Variants in SIPA1L2 observed in about 807,000 individuals in gnomAD.
SIPA1L2 encodes the protein signal induced proliferation associated 1 like 2.
A neutral mutation model predicts 163.9 loss-of-function variants in SIPA1L2; 56 were observed. The ratio of observed to expected loss-of-function variants is 0.34; its 90% CI spans 0.28 to 0.43. The LOEUF (loss-of-function observed/expected upper bound fraction) is 0.43. Ranked by LOEUF, SIPA1L2 falls within the 20% of genes least tolerant of loss-of-function variation. SIPA1L2 has a pLI of 1.00. For synonymous variants in SIPA1L2, 877 were observed against 865.7 expected, an observed-to-expected ratio of 1.01 and a Z score of -0.23; for missense variants, 1,974 against 2,193.5, an observed-to-expected ratio of 0.90 and a Z score of 2.00.
At chr1:232,470,696 A>AT (rs1431185404) in intron 8 of SIPA1L2, among the ~76,000 whole-genome samples, 1 of 152,206 alleles carries the variant, frequency 6.6e-6, no homozygotes, top group African/African-American at 2.4e-5. Flanking sequence ...AGGTACTATC[A>AT]TTACCATTAT....
chr1:232,493,861 T>C (rs1666049598), intron 3 of SIPA1L2, among the ~76,000 whole-genome samples: 1 of 152,206 alleles, frequency 6.6e-6, no homozygotes, highest in Non-Finnish European at 1.5e-5. Context: ...TACTTCCTCC[T>C]CTCATTCTGC....
rs371273839 is a variant in SIPA1L2 at position 232,461,111 on chromosome 1, C to T, written c.2871G>A (p.Gly957=). 16 of 1,614,258 alleles carry T rather than the reference C, an allele frequency of 9.9e-6. No homozygotes were observed. The highest frequency in any genetic ancestry group is 2.2e-5 in the East Asian group (1 of 44,888). ...ETVEMTLRRN[G]LGQLGFHVNF... is the part of the protein sequence containing the mutation. ...TCACATGGAAGCCAAGCTGGCCCAGCCCGTTCCTCCTCAGGGTCATTTCCA... is the reference window on the plus strand; with the variant it reads ...TCACATGGAAGCCAAGCTGGCCCAGTCCGTTCCTCCTCAGGGTCATTTCCA... Residue 957 remains glycine (G), a synonymous_variant, in exon 10 of 23, where the codon GGG becomes GGA. Coordinates refer to ENST00000674635, the MANE Select transcript of SIPA1L2 (RefSeq NM_020808.5).
intron 1 of SIPA1L2, among the ~76,000 whole-genome samples, chr1:232,623,854 A>G (rs1662941316): frequency 6.6e-6 from 1 of 151,992 alleles, no homozygotes; most frequent in African/African-American, 2.4e-5. Flanking sequence ...ACAAGACCCT[A>G]CAGGCTCCCT....
chr1:232,479,524 C>T lies in SIPA1L2; in HGVS notation c.2085+103G>A, dbSNP rs968325359. 3.3e-6 allele frequency: 3 copies of T among 902,300 alleles called. No homozygotes were observed. The African/African-American group carries it at 4.9e-5, about 15-fold the overall frequency. The allele number at this position is 902,300 out of a possible 1,614,324, so 55.9% of individuals were successfully genotyped here. On this transcript the variant is annotated intron_variant, in intron 7 of 22. Transcript: ENST00000674635. ...GATGATTAATGCTATTCAAGAAAAA[C>T]CCTCACTGATTCTTTGCAAGTTCTA...
In SIPA1L2 at chr1:232,439,503, A is replaced by G; in HGVS notation, c.3643-7T>C. ...AGCAACTTTTATCCCCAATCTTCAG[A>G]AGAAAGAGGAACAGAGAGTTCTCAA... On this transcript the variant is annotated splice_polypyrimidine_tract_variant and splice_region_variant and intron_variant, in intron 14 of 22. Transcript: ENST00000674635. 1 of 1,607,212 alleles carries G rather than the reference A, an allele frequency of 6.2e-7. No individual in the cohort carries two copies. Among genetic ancestry groups the G allele is most frequent in the South Asian group, 1.1e-5 (1 of 90,158 alleles).
intron 7 of SIPA1L2, among the ~76,000 whole-genome samples, chr1:232,476,808 T>C (rs1020797069): frequency 3.3e-5 from 5 of 152,204 alleles, no homozygotes; most frequent in African/African-American, 1.2e-4. Flanking sequence ...CTTGATTTAT[T>C]ACAAGAAGGA....
rs373633524 is a variant in SIPA1L2, at chr1:232,420,610, C to T, written c.4630+4979G>A. Among the ~76,000 whole-genome samples, 5 of 152,160 alleles carry T rather than the reference C, an allele frequency of 3.3e-5. No individual in the cohort carries two copies. The East Asian group carries it at 7.8e-4, about 24-fold the overall frequency. On this transcript the variant is annotated intron_variant, in intron 18 of 22. Coordinates refer to ENST00000674635, the MANE Select transcript of SIPA1L2 (RefSeq NM_020808.5). Reference sequence around the variant, plus strand: ...CAGCACTTTGGGAGGCCGAGGCGGGCGGATCACGAGATCAGGAGATGGAGA... The same window carrying T: ...CAGCACTTTGGGAGGCCGAGGCGGGTGGATCACGAGATCAGGAGATGGAGA...
Position 232,514,036 on chromosome 1 carries a change from C to T in SIPA1L2, c.1304G>A (p.Ser435Asn). 6.2e-7 allele frequency: 1 copy of T among 1,614,210 alleles called. No individual in the cohort carries two copies. ...TTCGAAAGAGCAGCTTTCCCCAGAA[C>T]TGAAAGAGGATGAGTTGGCTCGAGA... ...ALSRANSSSFSSGESCSFESS... is the reference protein window; with the variant it reads ...ALSRANSSSFNSGESCSFESS... Residue 435 changes from serine (S) to asparagine (N), a missense_variant, in exon 3 of 23, where the codon AGT becomes AAT. Physicochemically the swap from Ser to Asn is conservative, Grantham distance 46. This residue lies in a region of SIPA1L2 where 607 missense variants were observed against 624.0 expected (regional missense o/e 0.97). Transcript: ENST00000674635.
chr1:232,513,648 C>T (rs1190876485), intron 3 of SIPA1L2, among the ~76,000 whole-genome samples: 1 of 152,062 alleles, frequency 6.6e-6, no homozygotes, highest in Non-Finnish European at 1.5e-5. Context: ...TAAGGACTAC[C>T]CATAAACAAA....
chr1:232,513,831 T>C (rs759049162), intron 3 of SIPA1L2, 26 bp downstream of exon 3: 16 of 1,533,110 alleles, frequency 1.0e-5, no homozygotes, highest in East Asian at 2.3e-5. Context: ...CCGAGACACA[T>C]GCAAACGCCC....
At chr1:232,597,132 T>C (rs1661297017) in intron 1 of SIPA1L2, among the ~76,000 whole-genome samples, 1 of 152,104 alleles carries the variant, frequency 6.6e-6, no homozygotes, top group South Asian at 2.1e-4. Context: ...AACCCCAACA[T>C]CTGTGAATGG....
At position 232,485,243 on chromosome 1, in the gene SIPA1L2, G is replaced by A. The variant is rs115529398; in HGVS notation, c.1807-1277C>T. Among the ~76,000 whole-genome samples, 1,120 of 152,282 alleles carry A rather than the reference G, an allele frequency of 7.4e-3. 15 individuals are homozygous for A. The highest frequency in any genetic ancestry group is 0.025 in the African/African-American group (1,053 of 41,550). On this transcript the variant is annotated intron_variant, in intron 5 of 22. Transcript: ENST00000674635. ...TCTGACTGAATCAGCTACCTATACC[G>A]ATGGATGCTATGGCATTGCAGTTCA... is the stretch of plus-strand genomic sequence containing the variant.
intron 2 of SIPA1L2, among the ~76,000 whole-genome samples, chr1:232,568,047 T>G (rs35440666): frequency 0.086 from 13,037 of 152,306 alleles, 606 homozygotes; most frequent in South Asian, 0.11. Context: ...TCCCTCTCCC[T>G]AACCTCAACC....
rs191162263 is a variant in SIPA1L2, at chr1:232,518,894, G to A, written c.-269-3286C>T. On this transcript the variant is annotated intron_variant, in intron 2 of 22. Coordinates refer to ENST00000674635, the MANE Select transcript of SIPA1L2 (RefSeq NM_020808.5). ...AACAAATTACTGTACAAATATATTA[G>A]GCAGTAAGTCCTTATATTAGAAAAT... 3.9e-5 allele frequency among the ~76,000 whole-genome samples: 6 copies of A among 152,160 alleles called. No homozygotes were observed. The East Asian group carries it at 1.2e-3, about 29-fold the overall frequency.
chr1:232,623,594 C>T (rs920731717), intron 1 of SIPA1L2, among the ~76,000 whole-genome samples: 1 of 151,892 alleles, frequency 6.6e-6, no homozygotes, highest in Non-Finnish European at 1.5e-5. Context: ...GGTGACAGTG[C>T]GAGACTCTGT....
chr1:232,493,884 C>G (rs1404474860), intron 3 of SIPA1L2, among the ~76,000 whole-genome samples: 1 of 152,196 alleles, frequency 6.6e-6, no homozygotes, highest in Non-Finnish European at 1.5e-5. Context: ...TTCACTAGTT[C>G]ATGAACAGCA....
intron 22 of SIPA1L2, among the ~76,000 whole-genome samples, chr1:232,401,775 G>GCCAAA (rs1180881516): frequency 1.3e-5 from 2 of 152,068 alleles, no homozygotes; most frequent in Admixed American, 6.5e-5. Context: ...TTCTTCATAA[G>GCCAAA]CCAAACCAAA....
chr1:232,568,388 G>T (rs1472805899), intron 2 of SIPA1L2, among the ~76,000 whole-genome samples: 1 of 152,200 alleles, frequency 6.6e-6, no homozygotes, highest in African/African-American at 2.4e-5. Flanking sequence ...TGCTTGCTTG[G>T]TGTGGGGGCA....
intron 2 of SIPA1L2, among the ~76,000 whole-genome samples, chr1:232,571,401 A>C (rs1006032917): frequency 1.4e-4 from 21 of 152,254 alleles, no homozygotes; most frequent in African/African-American, 4.3e-4. Flanking sequence ...TGGGTTTCTG[A>C]AAAGTCTGTT....
Sources: gnomAD v4.1 joint callset for allele counts (sites outside exome capture counted in the v4.1 genomes callset) on GRCh38, gnomAD v4.1.1 for gene constraint, gnomAD v4.1.1 regional missense constraint, MANE v1.5 for transcripts, NCBI Gene and HGNC (gene_info 2026-07-23, HGNC 2026-07-21) for gene names.